Variants in SFMBT2 observed in about 807,000 individuals in gnomAD.
The protein encoded by SFMBT2 is Scm like with four mbt domains 2, also known as scm-like with four MBT domains protein 2.
Under a neutral mutation model 110.1 loss-of-function variants are expected in SFMBT2, and 38 were observed. The observed-to-expected ratio is 0.35, with a 90% confidence interval of 0.27 to 0.45. The LOEUF (loss-of-function observed/expected upper bound fraction) is 0.45, where lower values mean the gene tolerates loss of function less well. SFMBT2 is among the 20% of genes least tolerant of loss of function. SFMBT2 has a pLI of 1.00. For synonymous variants in SFMBT2, 425 were observed against 425.4 expected (o/e 1.00, Z 0.01); for missense variants, 1,011 against 1,094.9 (o/e 0.92, Z 1.08).
At chr10:7,176,282 T>C (rs2131542439) in intron 16 of SFMBT2, 117 bp from the exon 17 acceptor site, 1 of 1,152,636 alleles carries the variant, frequency 8.7e-7, no homozygotes, top group South Asian at 1.5e-5. Context: ...GCATATCGCG[T>C]GCAGTTTCCC....
At chr10:7,404,507 C>T (rs535693185) in intron 1 of SFMBT2, among the ~76,000 whole-genome samples, 1 of 152,358 alleles carries the variant, frequency 6.6e-6, no homozygotes, top group African/African-American at 2.4e-5. Flanking sequence ...CCCACACCTC[C>T]ATACACTTCC....
chr10:7,214,514 C>T, intron 11 of SFMBT2: 1 of 959,312 alleles, frequency 1.0e-6, no homozygotes, highest in Non-Finnish European at 1.2e-6. Context: ...AGATTTATTC[C>T]TGAGCTATCA....
intron 2 of SFMBT2, among the ~76,000 whole-genome samples, chr10:7,374,406 G>A (rs1164319105): frequency 1.3e-5 from 2 of 152,186 alleles, no homozygotes; most frequent in Non-Finnish European, 2.9e-5. Context: ...CTTCAGATCA[G>A]GGGAGACCAG....
intron 9 of SFMBT2, among the ~76,000 whole-genome samples, chr10:7,232,896 T>G (rs921046042): frequency 1.3e-5 from 2 of 152,148 alleles, no homozygotes; most frequent in Middle Eastern, 3.2e-3. Flanking sequence ...TCAGCCTTCC[T>G]CCAGCTTTGC....
chr10:7,173,303 G>C (rs377173670), intron 17 of SFMBT2, among the ~76,000 whole-genome samples: 1 of 152,194 alleles, frequency 6.6e-6, no homozygotes, highest in Non-Finnish European at 1.5e-5. Context: ...ATCCACCGGA[G>C]TGCTCTGACA....
At chr10:7,379,640 G>A (rs1233761075) in intron 2 of SFMBT2, among the ~76,000 whole-genome samples, 1 of 151,674 alleles carries the variant, frequency 6.6e-6, no homozygotes, top group Non-Finnish European at 1.5e-5. Flanking sequence ...GCCACATGGG[G>A]GTGGAGAAAA....
rs527430062 is a variant in SFMBT2, at chr10:7,265,492, C to T, written c.870+11400G>A. On this transcript the variant is annotated intron_variant, in intron 7 of 20. Coordinates refer to ENST00000397167, the MANE Select transcript of SFMBT2 (RefSeq NM_001387889.1). ...CTGAGGTTACAGGCATGAGCCACCG[C>T]GCCTGGCCCCTGAGATGTCTTCTTA... 1.4e-4 allele frequency among the ~76,000 whole-genome samples: 21 copies of T among 152,292 alleles called. No individual in the cohort carries two copies. The East Asian group carries it at 3.9e-3, about 28-fold the overall frequency.
In SFMBT2 at chr10:7,375,232, A is replaced by G. The variant is rs918190034; in HGVS notation, c.101-4857T>C. Among the ~76,000 whole-genome samples the G allele has an allele frequency of 8.5e-5, 13 of 152,358 alleles. No homozygotes were observed. The East Asian group carries it at 2.5e-3, about 29-fold the overall frequency. On this transcript the variant is annotated intron_variant, in intron 2 of 20. Coordinates refer to ENST00000397167, the MANE Select transcript of SFMBT2 (RefSeq NM_001387889.1). ...TAAAAAGAATACCTCACTATACCTT[A>G]CTAGAAGCTGGAGTGTAAGTGACGT...
intron 16 of SFMBT2, among the ~76,000 whole-genome samples, chr10:7,184,842 G>A (rs1305585141): frequency 6.6e-6 from 1 of 152,146 alleles, no homozygotes; most frequent in East Asian, 1.9e-4. Flanking sequence ...GAAGGAAATG[G>A]TGACTCTGAG....
In SFMBT2 at chr10:7,343,096, A is replaced by T. The variant is rs779571827; in HGVS notation, c.436+24553T>A. Among the ~76,000 whole-genome samples the T allele has an allele frequency of 8.9e-4, 135 of 151,718 alleles. 1 individual carries two copies. Among genetic ancestry groups the T allele is most frequent in the Non-Finnish European group, 4.7e-4 (32 of 67,984 alleles). ...GATTCCCATCTTTATGTCCATTTGT[A>T]CTCACTATTTAGTTCCCACTTCTAA... On this transcript the variant is annotated intron_variant, in intron 4 of 20. Transcript: ENST00000397167.
chr10:7,400,896 G>A (rs1846062774), intron 1 of SFMBT2, among the ~76,000 whole-genome samples: 1 of 152,216 alleles, frequency 6.6e-6, no homozygotes, highest in Non-Finnish European at 1.5e-5. Flanking sequence ...ACTTCAGGAA[G>A]CCGAGGCGGG....
At chr10:7,211,075 A>G (rs923922666) in intron 11 of SFMBT2, among the ~76,000 whole-genome samples, 3 of 152,084 alleles carry the variant, frequency 2.0e-5, no homozygotes, top group African/African-American at 7.2e-5. Context: ...ACCGGAAGAA[A>G]TCCAGCGGCC....
intron 1 of SFMBT2, among the ~76,000 whole-genome samples, chr10:7,392,982 AT>A (rs1845811115): frequency 1.1e-5 from 1 of 92,660 alleles, no homozygotes; most frequent in Non-Finnish European, 2.3e-5. Context: ...ATGTGGATAG[AT>A]TATATATATA....
chr10:7,222,231 T>C (rs1564391663), intron 10 of SFMBT2, among the ~76,000 whole-genome samples: 2 of 152,262 alleles, frequency 1.3e-5, no homozygotes, highest in Admixed American at 6.5e-5. Context: ...CCAGAGCTTA[T>C]CTATCCACTT....
At chr10:7,247,721 A>G (rs1840662820) in intron 8 of SFMBT2, among the ~76,000 whole-genome samples, 1 of 152,252 alleles carries the variant, frequency 6.6e-6, no homozygotes, top group Non-Finnish European at 1.5e-5. Context: ...GAAGTACACA[A>G]AAGACCATTC....
chr10:7,323,098 A>G (rs2131938779), intron 4 of SFMBT2, among the ~76,000 whole-genome samples: 1 of 152,372 alleles, frequency 6.6e-6, no homozygotes, highest in Non-Finnish European at 1.5e-5. Context: ...ATTTATGGAA[A>G]GTCTGAAAAC....
intron 4 of SFMBT2, among the ~76,000 whole-genome samples, chr10:7,311,731 T>C (rs541330518): frequency 6.6e-6 from 1 of 152,326 alleles, no homozygotes; most frequent in South Asian, 2.1e-4. Context: ...ATTATGTAGA[T>C]AAAATACATG....
chr10:7,304,984 T>C (rs866168695), intron 4 of SFMBT2, among the ~76,000 whole-genome samples: 2 of 152,218 alleles, frequency 1.3e-5, no homozygotes, highest in South Asian at 4.1e-4. Flanking sequence ...CTTCCTCCCT[T>C]TTCTTTTCAG....
At chr10:7,302,486 T>C (rs1842579818) in intron 4 of SFMBT2, among the ~76,000 whole-genome samples, 1 of 152,188 alleles carries the variant, frequency 6.6e-6, no homozygotes, top group Admixed American at 6.5e-5. Flanking sequence ...ACATCAACCC[T>C]TGACCCTTGG....
Sources: gnomAD v4.1 joint callset for allele counts (sites outside exome capture counted in the v4.1 genomes callset) on GRCh38, gnomAD v4.1.1 for gene constraint, MANE v1.5 for transcripts, NCBI Gene and HGNC (gene_info 2026-07-23, HGNC 2026-07-21) for gene names.